LRRC4C: variants seen among roughly 807,000 people sequenced by gnomAD.
LRRC4C encodes the protein leucine-rich repeat-containing protein 4C.
In LRRC4C, 5 loss-of-function variants were observed where a neutral mutation model predicts 33.6. That is an observed-to-expected ratio of 0.15 (90% CI 0.08 to 0.31). The LOEUF (loss-of-function observed/expected upper bound fraction) is 0.31. Ranked by LOEUF, LRRC4C falls within the 10% of genes least tolerant of loss-of-function variation. LRRC4C has a pLI of 1.00. For synonymous variants in LRRC4C, 329 were observed against 302.0 expected, an observed-to-expected ratio of 1.09 and a Z score of -0.93; for missense variants, 560 against 796.7, an observed-to-expected ratio of 0.70 and a Z score of 3.58.
At chr11:40,400,451 A>G (rs11821344) in intron 3 of LRRC4C, among the ~76,000 whole-genome samples, 5,925 of 152,152 alleles carry the variant, frequency 0.039, 374 homozygotes, top group African/African-American at 0.13. Context: ...AGCTATAGCT[A>G]TATCTCTCTA....
chr11:40,398,672 G>A (rs549712238), intron 3 of LRRC4C, among the ~76,000 whole-genome samples: 1 of 152,152 alleles, frequency 6.6e-6, no homozygotes, highest in East Asian at 1.9e-4. Flanking sequence ...ACAGCTACAG[G>A]TAGTTAAATC....
intron 1 of LRRC4C, among the ~76,000 whole-genome samples, chr11:41,030,956 C>T (rs188980088): frequency 9.8e-4 from 149 of 151,750 alleles, no homozygotes; most frequent in Middle Eastern, 3.4e-3. Flanking sequence ...CTTTGAAAAC[C>T]CTGTGCTTCT....
intron 6 of LRRC4C, among the ~76,000 whole-genome samples, chr11:40,140,215 A>C (rs1458570574): frequency 6.6e-6 from 1 of 152,198 alleles, no homozygotes; most frequent in Non-Finnish European, 1.5e-5. Flanking sequence ...TGATGATACA[A>C]TAAATCATAG....
intron 1 of LRRC4C, among the ~76,000 whole-genome samples, chr11:40,967,234 G>C (rs1273196411): frequency 6.6e-6 from 1 of 151,800 alleles, no homozygotes; most frequent in Non-Finnish European, 1.5e-5. Context: ...AGGAAAGAAA[G>C]TCAGGGAAAG....
intron 3 of LRRC4C, among the ~76,000 whole-genome samples, chr11:40,588,261 C>T (rs1204726332): frequency 3.3e-5 from 5 of 150,704 alleles, no homozygotes; most frequent in East Asian, 3.9e-4. Flanking sequence ...AGTTTATTTG[C>T]GTAGAGGTGT....
rs940345192 is a variant in LRRC4C, at chr11:40,954,712, C to A, written c.-495-20989G>T. On this transcript the variant is annotated intron_variant, in intron 1 of 6. Transcript: ENST00000528697. Reference sequence around the variant, plus strand: ...GTGATTAATGCAATAATAGAGTGATCCCAGACCACTGGCAGGTTAGTAGTT... The same window carrying A: ...GTGATTAATGCAATAATAGAGTGATACCAGACCACTGGCAGGTTAGTAGTT... 4.6e-5 allele frequency among the ~76,000 whole-genome samples: 7 copies of A among 151,762 alleles called. No homozygotes were observed. The East Asian group carries it at 1.4e-3, about 29-fold the overall frequency.
At chr11:40,917,588 C>A (rs1957013976) in intron 2 of LRRC4C, among the ~76,000 whole-genome samples, 1 of 152,058 alleles carries the variant, frequency 6.6e-6, no homozygotes, top group South Asian at 2.1e-4. Context: ...ATGACTGAGG[C>A]TTTAGCATCA....
At chr11:41,324,034 C>T (rs1267137077) in intron 1 of LRRC4C, among the ~76,000 whole-genome samples, 3 of 152,106 alleles carry the variant, frequency 2.0e-5, no homozygotes, top group Non-Finnish European at 4.4e-5. Context: ...ACCACCTTTA[C>T]CAGAATTGCC....
In LRRC4C at chr11:41,080,342, C is replaced by CTTT. The variant is rs71060997; in HGVS notation, c.-495-146622_-495-146620dup. The stretch of plus-strand genomic sequence containing the variant: ...TTGACCCAAATGTCAGAGTCTCCTC[C>CTTT]TTTTTTTTTTTTTTTTTTTTTTGTT... On this transcript the variant is annotated intron_variant, in intron 1 of 6. Transcript: ENST00000528697. 4.1e-4 allele frequency among the ~76,000 whole-genome samples: 42 copies of CTTT among 103,452 alleles called. 2 individuals carry two copies. Among genetic ancestry groups the CTTT allele is most frequent in the African/African-American group, 8.0e-4 (22 of 27,370 alleles). The allele number at this position is 103,452 out of a possible 152,430, so 67.9% of individuals were successfully genotyped here.
intron 2 of LRRC4C, among the ~76,000 whole-genome samples, chr11:40,850,869 T>C (rs573299339): frequency 6.6e-6 from 1 of 152,298 alleles, no homozygotes; most frequent in East Asian, 1.9e-4. Context: ...TACAGTGGCT[T>C]TGAGGAGCAG....
At chr11:40,504,458 C>T (rs1954934387) in intron 3 of LRRC4C, among the ~76,000 whole-genome samples, 1 of 132,574 alleles carries the variant, frequency 7.5e-6, no homozygotes, top group Admixed American at 7.5e-5. Flanking sequence ...TGAACAGATG[C>T]CACTTGGAGG....
At chr11:41,410,757 G>A (rs1215159927) in intron 1 of LRRC4C, among the ~76,000 whole-genome samples, 1 of 151,886 alleles carries the variant, frequency 6.6e-6, no homozygotes, top group Non-Finnish European at 1.5e-5. Context: ...TTATTTTTAT[G>A]GAACAACACC....
At chr11:40,216,701 G>A (rs531164426) in intron 5 of LRRC4C, among the ~76,000 whole-genome samples, 1 of 152,206 alleles carries the variant, frequency 6.6e-6, no homozygotes, top group Admixed American at 6.6e-5. Context: ...AATTTCCCCA[G>A]TTATGAAACA....
intron 1 of LRRC4C, among the ~76,000 whole-genome samples, chr11:41,062,121 A>C (rs1326683468): frequency 6.6e-6 from 1 of 152,248 alleles, no homozygotes; most frequent in Non-Finnish European, 1.5e-5. Context: ...TAATTTCAGC[A>C]TTACAAGTGT....
chr11:41,433,160 C>T (rs576343654), intron 1 of LRRC4C, among the ~76,000 whole-genome samples: 3 of 152,086 alleles, frequency 2.0e-5, no homozygotes, highest in East Asian at 1.9e-4. Flanking sequence ...ATGTGAAACA[C>T]GAGTTTATGA....
intron 1 of LRRC4C, among the ~76,000 whole-genome samples, chr11:41,308,304 ATT>A (rs141955388): frequency 4.0e-5 from 6 of 151,412 alleles, no homozygotes; most frequent in Admixed American, 3.3e-4. Context: ...CTGGTGAAAG[ATT>A]TTTTTTTGCA....
rs192857132 is a variant in LRRC4C, at chr11:40,130,750, G to C, written c.-43+10051C>G. 1.6e-3 allele frequency among the ~76,000 whole-genome samples: 247 copies of C among 152,284 alleles called. 3 individuals are homozygous for C. Among genetic ancestry groups the C allele is most frequent in the African/African-American group, 5.7e-3 (235 of 41,564 alleles). On this transcript the variant is annotated intron_variant, in intron 6 of 6. Coordinates refer to ENST00000528697, the MANE Select transcript of LRRC4C (RefSeq NM_001258419.2). ...AGTGCTGTGCCATTCTGCTTTCCCA[G>C]TTGTATCTCCCACTGTTCTTAATAC... is the stretch of plus-strand genomic sequence containing the variant.
chr11:40,304,865 C>T (rs1327360680), intron 4 of LRRC4C, among the ~76,000 whole-genome samples: 1 of 151,978 alleles, frequency 6.6e-6, no homozygotes, highest in Non-Finnish European at 1.5e-5. Context: ...AGTTCAGATC[C>T]TGAGCACTCC....
rs549575025 is a variant in LRRC4C at position 40,511,920 on chromosome 11, CAA to C, written c.-270+136220_-270+136221del. Among the ~76,000 whole-genome samples, 140 of 152,020 alleles carry C rather than the reference CAA, an allele frequency of 9.2e-4. 1 individual carries two copies. The Middle Eastern group carries it at 0.014, about 15-fold the overall frequency. On this transcript the variant is annotated intron_variant, in intron 3 of 6. Coordinates refer to ENST00000528697, the MANE Select transcript of LRRC4C (RefSeq NM_001258419.2). Reference sequence around the variant, plus strand: ...TTGTAGTATATACAGGCTAGTGAAACAAGAGTTAATATAAATTACATGCGTTT... The same window carrying C: ...TTGTAGTATATACAGGCTAGTGAAACGAGTTAATATAAATTACATGCGTTT...
Sources: allele counts gnomAD v4.1 joint callset (sites outside exome capture counted in the v4.1 genomes callset), GRCh38; gene constraint gnomAD v4.1.1; transcripts MANE v1.5; gene names NCBI Gene and HGNC (gene_info 2026-07-23, HGNC 2026-07-21).